Variants in SEMA3E observed in about 807,000 individuals in gnomAD.
SEMA3E encodes the protein semaphorin 3E, also known as semaphorin-3E.
In SEMA3E, 49 loss-of-function variants were observed where a neutral mutation model predicts 93.6. The observed-to-expected ratio is 0.52, with a 90% CI of 0.42 to 0.66. The LOEUF (loss-of-function observed/expected upper bound fraction) is 0.66. SEMA3E is among the 30% of genes least tolerant of loss of function. The pLI, the probability that SEMA3E is intolerant of heterozygous loss-of-function variation, is 0.00. For missense variants in SEMA3E, 906 were observed against 964.8 expected, an observed-to-expected ratio of 0.94 and a Z score of 0.81; for synonymous variants, 363 against 330.7, an observed-to-expected ratio of 1.10 and a Z score of -1.06.
intron 4 of SEMA3E, among the ~76,000 whole-genome samples, chr7:83,447,084 G>A (rs1390413681): frequency 6.6e-6 from 1 of 152,262 alleles, no homozygotes; most frequent in African/African-American, 2.4e-5. Flanking sequence ...ACTGTCCTGA[G>A]GAGATTGGAC....
intron 2 of SEMA3E, among the ~76,000 whole-genome samples, chr7:83,489,733 G>A (rs998265400): frequency 9.5e-5 from 5 of 52,648 alleles, no homozygotes; most frequent in Non-Finnish European, 2.2e-4. Context: ...TAGTTATATC[G>A]AGGCCACATA....
intron 2 of SEMA3E, among the ~76,000 whole-genome samples, chr7:83,488,259 A>C (rs1256272250): frequency 1.3e-5 from 2 of 152,048 alleles, no homozygotes; most frequent in Admixed American, 1.3e-4. Context: ...GAAAAGATAC[A>C]ACAGAAATAA....
At chr7:83,631,240 G>A (rs562139269) in intron 1 of SEMA3E, among the ~76,000 whole-genome samples, 4 of 152,142 alleles carry the variant, frequency 2.6e-5, no homozygotes, top group African/African-American at 9.6e-5. Flanking sequence ...TCCAGACCTT[G>A]AAATTGATCT....
intron 1 of SEMA3E, among the ~76,000 whole-genome samples, chr7:83,550,127 T>C (rs1050783365): frequency 1.3e-5 from 2 of 152,148 alleles, no homozygotes; most frequent in Non-Finnish European, 2.9e-5. Flanking sequence ...ATCAACTGTC[T>C]TCATTCATCT....
At chr7:83,453,293 G>A (rs1398265725) in intron 4 of SEMA3E, among the ~76,000 whole-genome samples, 1 of 152,028 alleles carries the variant, frequency 6.6e-6, no homozygotes, top group Non-Finnish European at 1.5e-5. Context: ...ACTTCCCAAA[G>A]TGCTGGGATT....
At chr7:83,492,714 TTA>T (rs947032607) in intron 1 of SEMA3E, among the ~76,000 whole-genome samples, 4 of 140,640 alleles carry the variant, frequency 2.8e-5, no homozygotes, top group Admixed American at 7.2e-5. Context: ...TTATGTTTAT[TTA>T]TATATATATG....
intron 1 of SEMA3E, among the ~76,000 whole-genome samples, chr7:83,529,600 C>A (rs1340118419): frequency 6.6e-6 from 1 of 152,082 alleles, no homozygotes; most frequent in Non-Finnish European, 1.5e-5. Context: ...TTAGATCATT[C>A]ATACTTGACT....
chr7:83,532,225 C>T (rs532597274), intron 1 of SEMA3E, among the ~76,000 whole-genome samples: 1 of 152,094 alleles, frequency 6.6e-6, no homozygotes, highest in African/African-American at 2.4e-5. Context: ...GATTTGAGAA[C>T]ATAAAATGGA....
intron 2 of SEMA3E, among the ~76,000 whole-genome samples, chr7:83,485,947 A>T (rs1562802929): frequency 6.6e-6 from 1 of 152,186 alleles, no homozygotes; most frequent in Non-Finnish European, 1.5e-5. Context: ...ATAGAAAGTG[A>T]GAAAGTGAAA....
At chr7:83,641,104 G>C (rs763910945) in intron 1 of SEMA3E, among the ~76,000 whole-genome samples, 1 of 152,178 alleles carries the variant, frequency 6.6e-6, no homozygotes, top group Non-Finnish European at 1.5e-5. Flanking sequence ...AAGGTGAATA[G>C]ACAGAAAGCC....
At chr7:83,512,184 AC>A (rs1415960875) in intron 1 of SEMA3E, among the ~76,000 whole-genome samples, 2 of 152,128 alleles carry the variant, frequency 1.3e-5, no homozygotes, top group Non-Finnish European at 2.9e-5. Context: ...GATTTCCTCC[AC>A]CCTCTGAATT....
At chr7:83,430,820 T>C (rs867012332) in intron 4 of SEMA3E, among the ~76,000 whole-genome samples, 4 of 152,154 alleles carry the variant, frequency 2.6e-5, no homozygotes, top group African/African-American at 9.7e-5. Flanking sequence ...GTTCTGCTCA[T>C]GTATCCCAGG....
intron 1 of SEMA3E, among the ~76,000 whole-genome samples, chr7:83,581,476 C>T (rs1792516082): frequency 6.6e-6 from 1 of 151,962 alleles, no homozygotes; most frequent in Non-Finnish European, 1.5e-5. Flanking sequence ...TTTTTAATTA[C>T]ACATACTTTT....
intron 10 of SEMA3E, among the ~76,000 whole-genome samples, 175 bp downstream of exon 10, chr7:83,402,457 G>C (rs1265564558): frequency 1.3e-5 from 2 of 151,788 alleles, no homozygotes; most frequent in African/African-American, 4.8e-5. Context: ...AAATAACAAG[G>C]ATAAAACTTG....
chr7:83,392,568 T>C lies in SEMA3E; in HGVS notation c.1654A>G (p.Thr552Ala). The change falls in exon 14 of 17, where the codon ACA (threonine) becomes GCA (alanine). Residue 552 changes from threonine (T) to alanine (A), a missense_variant. Coordinates refer to ENST00000643230, the MANE Select transcript of SEMA3E (RefSeq NM_012431.3). ...AGCACGTCTCACCTTTTTGCATGTG[T>C]GCCTGTTGGGTAATACCGGGAGCAG... ...ISCSRYYPTG[T>A]HAKRRFRRQD... 1.2e-6 allele frequency: 2 copies of C among 1,613,132 alleles called. No homozygotes were observed. The highest frequency in any genetic ancestry group is 1.7e-6 in the Non-Finnish European group (2 of 1,179,748).
intron 5 of SEMA3E, among the ~76,000 whole-genome samples, chr7:83,411,621 T>C (rs1029287562): frequency 6.6e-6 from 1 of 152,020 alleles, no homozygotes; most frequent in South Asian, 2.1e-4. Flanking sequence ...AGTAATTAAG[T>C]AAGCAAAAAT....
chr7:83,567,067 C>A (rs1459147926), intron 1 of SEMA3E, among the ~76,000 whole-genome samples: 1 of 152,020 alleles, frequency 6.6e-6, no homozygotes, highest in Non-Finnish European at 1.5e-5. Context: ...AGGATAGAAA[C>A]AGAAATTCCA....
intron 1 of SEMA3E, among the ~76,000 whole-genome samples, chr7:83,631,883 C>A (rs1312039140): frequency 1.3e-5 from 2 of 152,162 alleles, no homozygotes; most frequent in Admixed American, 1.3e-4. Flanking sequence ...TGGCCGGGCA[C>A]AGTGGCTTAT....
chr7:83,458,214 T>C (rs1024388899), intron 4 of SEMA3E, among the ~76,000 whole-genome samples: 2 of 151,750 alleles, frequency 1.3e-5, no homozygotes, highest in Non-Finnish European at 2.9e-5. Context: ...TAGGTAATTA[T>C]GTGATATAAA....
Sources: gnomAD v4.1 joint callset for allele counts (sites outside exome capture counted in the v4.1 genomes callset) on GRCh38, gnomAD v4.1.1 for gene constraint, MANE v1.5 for transcripts, NCBI Gene and HGNC (gene_info 2026-07-23, HGNC 2026-07-21) for gene names.